The following RNGTT variants were observed in gnomAD, a reference collection of about 807,000 sequenced individuals.
The protein encoded by RNGTT is RNA guanylyltransferase and 5'-phosphatase, also known as mRNA-capping enzyme.
RNGTT carries 33 observed loss-of-function variants against 79.3 expected under a neutral mutation model. That is an observed-to-expected ratio of 0.42 (90% CI 0.32 to 0.56). The LOEUF (loss-of-function observed/expected upper bound fraction) is 0.56. RNGTT is among the 20% of genes least tolerant of loss of function. The pLI, the probability that RNGTT is intolerant of heterozygous loss-of-function variation, is 0.17. For missense variants in RNGTT, 497 were observed against 739.1 expected (o/e 0.67, Z 3.80); for synonymous variants, 222 against 235.9 (o/e 0.94, Z 0.54).
chr6:88,644,333 C>T (rs1336436112), intron 14 of RNGTT, among the ~76,000 whole-genome samples: 1 of 152,070 alleles, frequency 6.6e-6, no homozygotes, highest in Non-Finnish European at 1.5e-5. Context: ...AGACCAATAA[C>T]AGGCTCTGAA....
At chr6:88,669,899 C>T (rs73752995) in intron 14 of RNGTT, among the ~76,000 whole-genome samples, 3,546 of 152,330 alleles carry the variant, frequency 0.023, 156 homozygotes, top group African/African-American at 0.079. Flanking sequence ...GGCCTGCCAA[C>T]TGGGCACAAG....
intron 13 of RNGTT, among the ~76,000 whole-genome samples, chr6:88,700,595 A>G (rs1775913395): frequency 6.6e-6 from 1 of 152,172 alleles, no homozygotes; most frequent in African/African-American, 2.4e-5. Context: ...AAAAACCACT[A>G]CAAAATGAAC....
intron 14 of RNGTT, among the ~76,000 whole-genome samples, chr6:88,661,016 C>A (rs1472288631): frequency 1.3e-5 from 2 of 152,008 alleles, no homozygotes; most frequent in Admixed American, 6.5e-5. Flanking sequence ...CAAAAGGAAC[C>A]CTCCAAACCA....
At chr6:88,703,879 C>T (rs1002065424) in intron 13 of RNGTT, among the ~76,000 whole-genome samples, 2 of 152,072 alleles carry the variant, frequency 1.3e-5, no homozygotes, top group Admixed American at 6.6e-5. Flanking sequence ...TTAAGCTTGG[C>T]AAGCTTTGGC....
chr6:88,845,849 ACCATACAGT>A (rs1781466206), intron 10 of RNGTT, among the ~76,000 whole-genome samples: 1 of 152,196 alleles, frequency 6.6e-6, no homozygotes, highest in Non-Finnish European at 1.5e-5. Context: ...CTAGTAAATA[ACCATACAGT>A]CCATGTGTCA....
chr6:88,751,413 G>A (rs1053858080), intron 13 of RNGTT, among the ~76,000 whole-genome samples: 4 of 152,018 alleles, frequency 2.6e-5, no homozygotes. Flanking sequence ...TCATGTAACT[G>A]CATAGTGGTC....
intron 8 of RNGTT, among the ~76,000 whole-genome samples, chr6:88,889,973 T>C (rs762715899): frequency 6.6e-6 from 1 of 152,180 alleles, no homozygotes; most frequent in Non-Finnish European, 1.5e-5. Flanking sequence ...AGCAAGATCC[T>C]GTCTCAAATT....
intron 13 of RNGTT, among the ~76,000 whole-genome samples, chr6:88,764,596 T>C (rs1778387943): frequency 6.6e-6 from 1 of 152,238 alleles, no homozygotes; most frequent in African/African-American, 2.4e-5. Context: ...AATAAAATTA[T>C]TATACACATA....
At chr6:88,785,435 C>A (rs1451779483) in intron 12 of RNGTT, among the ~76,000 whole-genome samples, 1 of 151,926 alleles carries the variant, frequency 6.6e-6, no homozygotes. Context: ...TTTGCTTTTT[C>A]TTCCTTACAC....
intron 6 of RNGTT, among the ~76,000 whole-genome samples, chr6:88,898,660 T>C (rs917457646): frequency 6.8e-6 from 1 of 147,640 alleles, no homozygotes; most frequent in Non-Finnish European, 1.5e-5. Context: ...GTATATATAC[T>C]GTGTGTGTGT....
intron 13 of RNGTT, among the ~76,000 whole-genome samples, chr6:88,712,502 T>G (rs1776352837): frequency 6.6e-6 from 1 of 152,118 alleles, no homozygotes; most frequent in African/African-American, 2.4e-5. Flanking sequence ...AGAGATAGGG[T>G]CTCACCATGT....
At chr6:88,629,562 T>TTCC (rs1380046817) in intron 14 of RNGTT, among the ~76,000 whole-genome samples, 2 of 152,164 alleles carry the variant, frequency 1.3e-5, no homozygotes, top group African/African-American at 4.8e-5. Context: ...TCTACAGTTG[T>TTCC]TCCAGTGAGG....
chr6:88,795,237 C>G (rs1779558194), intron 12 of RNGTT, among the ~76,000 whole-genome samples: 2 of 152,164 alleles, frequency 1.3e-5, no homozygotes. Context: ...CCCTAAAATA[C>G]TACCATCAGA....
chr6:88,690,822 A>ATGAC (rs1775451566), intron 13 of RNGTT, among the ~76,000 whole-genome samples: 1 of 152,206 alleles, frequency 6.6e-6, no homozygotes, highest in African/African-American at 2.4e-5. Context: ...AGTTGAACAT[A>ATGAC]TGACTACTCT....
chr6:88,944,909 T>C (rs966911067), intron 1 of RNGTT, among the ~76,000 whole-genome samples: 1 of 152,206 alleles, frequency 6.6e-6, no homozygotes, highest in African/African-American at 2.4e-5. Context: ...GGGGGGCAAC[T>C]GCTATTTTGT....
chr6:88,612,283 C>T lies in RNGTT; in HGVS notation c.*436G>A, dbSNP rs1417735359. On this transcript the variant is annotated 3_prime_UTR_variant, in exon 16 of 16. Coordinates refer to ENST00000369485, the MANE Select transcript of RNGTT (RefSeq NM_003800.5). ...ATAGCAAGAATGTTTAATGCCATTG[C>T]CTGGATTTTTTAAAAGGAAAATTTG... 6.5e-6 allele frequency: 1 copy of T among 154,050 alleles called. No individual in the cohort carries two copies. Among genetic ancestry groups the T allele is most frequent in the Admixed American group, 6.5e-5 (1 of 15,448 alleles). 9.5% of individuals were successfully genotyped at this position (154,050 alleles called of 1,614,324 possible). A position where few individuals can be genotyped will look rare whatever the true frequency, so the allele number is the denominator to read the frequency against.
intron 13 of RNGTT, among the ~76,000 whole-genome samples, chr6:88,719,902 C>T (rs964943268): frequency 1.3e-5 from 2 of 152,158 alleles, no homozygotes; most frequent in African/African-American, 4.8e-5. Context: ...AAAAGCCATT[C>T]GTGTTTAATG....
intron 13 of RNGTT, among the ~76,000 whole-genome samples, chr6:88,745,559 T>C (rs1421784687): frequency 6.6e-6 from 1 of 152,214 alleles, no homozygotes; most frequent in African/African-American, 2.4e-5. Context: ...TTGGAATTAA[T>C]TTCACCTGTT....
chr6:88,752,777 A>C (rs2127831198), intron 13 of RNGTT, among the ~76,000 whole-genome samples: 1 of 152,302 alleles, frequency 6.6e-6, no homozygotes, highest in South Asian at 2.1e-4. Context: ...AACCAAAGGA[A>C]TGCTTGAGGG....
Sources: allele counts gnomAD v4.1 joint callset (sites outside exome capture counted in the v4.1 genomes callset), GRCh38; gene constraint gnomAD v4.1.1; transcripts MANE v1.5; gene names NCBI Gene and HGNC (gene_info 2026-07-23, HGNC 2026-07-21).